The following LPIN2 variants were observed in gnomAD, a reference collection of about 807,000 sequenced individuals.
LPIN2 encodes the protein phosphatidate phosphatase LPIN2.
Under a neutral mutation model 111.4 loss-of-function variants are expected in LPIN2, and 55 were observed. The ratio of observed to expected loss-of-function variants is 0.49; its 90% CI spans 0.40 to 0.62. The LOEUF (loss-of-function observed/expected upper bound fraction) is 0.62. Ranked by LOEUF, LPIN2 falls within the 20% of genes least tolerant of loss-of-function variation. The probability of loss-of-function intolerance (pLI) is 0.00; values close to 1 mark genes in which losing one functional copy is unlikely to be tolerated. For missense variants in LPIN2, 992 were observed against 1,112.1 expected (o/e 0.89, Z 1.54); for synonymous variants, 425 against 414.0 (o/e 1.03, Z -0.32).
At chr18:3,006,594 T>C (rs545065448) in intron 1 of LPIN2, among the ~76,000 whole-genome samples, 3 of 151,960 alleles carry the variant, frequency 2.0e-5, no homozygotes, top group South Asian at 2.1e-4. Context: ...TCCCAACACT[T>C]TGGGAGGCCG....
At chr18:2,997,075 G>A (rs191260096) in intron 1 of LPIN2, among the ~76,000 whole-genome samples, 26 of 151,202 alleles carry the variant, frequency 1.7e-4, no homozygotes, top group Admixed American at 1.6e-3. Context: ...TCCACCTCCC[G>A]GATTCAAGCA....
intron 1 of LPIN2, among the ~76,000 whole-genome samples, chr18:2,965,033 A>G (rs1319118458): frequency 6.6e-6 from 1 of 152,198 alleles, no homozygotes; most frequent in African/African-American, 2.4e-5. Flanking sequence ...TACACAGTGT[A>G]TGTAATATAC....
rs569773558 is a variant in LPIN2, at chr18:3,009,733, A to G, written c.-10+3354T>C. On this transcript the variant is annotated intron_variant, in intron 1 of 19. Transcript: ENST00000677752. Reference sequence around the variant, plus strand: ...TGGGATTACAGGCGTGAACCACCGCACCCAGCCTTCTTCCTCATTTCTTGT... The same window carrying G: ...TGGGATTACAGGCGTGAACCACCGCGCCCAGCCTTCTTCCTCATTTCTTGT... 2.6e-5 allele frequency among the ~76,000 whole-genome samples: 4 copies of G among 152,234 alleles called. No homozygotes were observed. The East Asian group carries it at 5.8e-4, about 22-fold the overall frequency.
intron 6 of LPIN2, 112 bp from the exon 7 acceptor site, chr18:2,938,149 GT>G: frequency 2.5e-6 from 2 of 797,464 alleles, no homozygotes; most frequent in Non-Finnish European, 4.2e-6. Flanking sequence ...CATTCATTAA[GT>G]ATCTTAGTTT....
In LPIN2 at chr18:2,921,991, C is replaced by T. The variant is rs781647516; in HGVS notation, c.2327+56G>A. The T allele has an allele frequency of 9.1e-4, 1,425 of 1,568,108 alleles. 1 individual carries two copies. The highest frequency in any genetic ancestry group is 1.2e-3 in the Non-Finnish European group (1,338 of 1,157,848). ...TCCCACACATCCCCCCACCTTGGGC[C>T]CAGCCCCGCCCACATGCTGGGGCGG... On this transcript the variant is annotated intron_variant, in intron 17 of 19. Coordinates refer to ENST00000677752, the MANE Select transcript of LPIN2 (RefSeq NM_001375808.2).
rs1251045017 is a variant in LPIN2 at position 2,917,050 on chromosome 18, C to G, written c.*3243G>C. 2 of 152,208 alleles carry G rather than the reference C, an allele frequency of 1.3e-5. No individual in the cohort carries two copies. Among genetic ancestry groups the G allele is most frequent in the Non-Finnish European group, 2.9e-5 (2 of 68,026 alleles). 9.4% of individuals were successfully genotyped at this position (152,208 alleles called of 1,614,324 possible). A position where few individuals can be genotyped will look rare whatever the true frequency, so the allele number is the denominator to read the frequency against. ...AACATTTTGTTTTGAACATCAAACACTGCACCAAAATATTAGCCATTCATC... is the reference window on the plus strand; with the variant it reads ...AACATTTTGTTTTGAACATCAAACAGTGCACCAAAATATTAGCCATTCATC... On this transcript the variant is annotated 3_prime_UTR_variant, in exon 20 of 20. Coordinates refer to ENST00000677752, the MANE Select transcript of LPIN2 (RefSeq NM_001375808.2).
chr18:2,992,750 G>A (rs192970245), intron 1 of LPIN2, among the ~76,000 whole-genome samples: 1 of 152,124 alleles, frequency 6.6e-6, no homozygotes, highest in East Asian at 1.9e-4. Flanking sequence ...TTGGGAGGTC[G>A]AGGCGGGCAG....
At chr18:3,000,150 A>T (rs769126282) in intron 1 of LPIN2, among the ~76,000 whole-genome samples, 61 of 144,426 alleles carry the variant, frequency 4.2e-4, no homozygotes, top group Non-Finnish European at 8.5e-4. Flanking sequence ...AGAAGGAGAA[A>T]ATGTAGAAAG....
intron 1 of LPIN2, among the ~76,000 whole-genome samples, chr18:3,003,266 C>A (rs1184764801): frequency 6.6e-6 from 1 of 152,128 alleles, no homozygotes; most frequent in African/African-American, 2.4e-5. Context: ...ACTCCATTAG[C>A]GGGGAGCTCA....
intron 1 of LPIN2, among the ~76,000 whole-genome samples, chr18:2,993,034 T>C (rs2078288926): frequency 6.6e-6 from 1 of 150,882 alleles, no homozygotes; most frequent in Admixed American, 6.6e-5. Context: ...ACATCTGTAG[T>C]ACTCAGAGGC....
chr18:3,003,567 A>T (rs1420929046), intron 1 of LPIN2, among the ~76,000 whole-genome samples: 1 of 152,222 alleles, frequency 6.6e-6, no homozygotes, highest in Non-Finnish European at 1.5e-5. Context: ...TCTTTACTGC[A>T]GTCTCTGAAC....
At chr18:2,975,042 C>T (rs1056030558) in intron 1 of LPIN2, among the ~76,000 whole-genome samples, 5 of 152,178 alleles carry the variant, frequency 3.3e-5, no homozygotes, top group South Asian at 2.1e-4. Context: ...TGCCATTTTA[C>T]GTACCTCATC....
intron 2 of LPIN2, among the ~76,000 whole-genome samples, chr18:2,955,683 A>C (rs1477578414): frequency 6.6e-6 from 1 of 152,220 alleles, no homozygotes; most frequent in Non-Finnish European, 1.5e-5. Context: ...TGGGAGACCA[A>C]GGTGGGCAGG....
Position 2,934,359 on chromosome 18 carries a change from G to A in LPIN2, c.1260C>T (p.Phe420=), listed in dbSNP as rs1355372766. ...AATAAGGACCACTCTACCTTTTAGG[G>A]AAATAAAGAGCTGCAACTTCAGGTT... ...GLEPEVAALY[F]PKSESEPGSR... is the part of the protein sequence containing the mutation. The change falls in exon 8 of 20, where the codon TTC becomes TTT. Residue 420 remains phenylalanine, a synonymous_variant. Coordinates refer to ENST00000677752, the MANE Select transcript of LPIN2 (RefSeq NM_001375808.2). 9.3e-6 allele frequency: 15 copies of A among 1,608,748 alleles called. No individual in the cohort carries two copies. In the South Asian group the frequency reaches 1.5e-4, roughly 17 times the overall value.
At chr18:3,003,723 C>A (rs972582539) in intron 1 of LPIN2, among the ~76,000 whole-genome samples, 1 of 152,166 alleles carries the variant, frequency 6.6e-6, no homozygotes. Context: ...ACTGTACAAA[C>A]TGATTGTAAA....
At chr18:2,955,430 T>A (rs1052526778) in intron 2 of LPIN2, among the ~76,000 whole-genome samples, 3 of 151,806 alleles carry the variant, frequency 2.0e-5, no homozygotes, top group South Asian at 2.1e-4. Context: ...AACAATTGGA[T>A]CTTGTCAACT....
In LPIN2 at chr18:2,960,869, G is replaced by T; in HGVS notation, c.-9-20C>A. The T allele has an allele frequency of 6.3e-7, 1 of 1,593,548 alleles. No homozygotes were observed. The highest frequency in any genetic ancestry group is 8.6e-7 in the Non-Finnish European group (1 of 1,165,268). On this transcript the variant is annotated intron_variant, in intron 1 of 19. Coordinates refer to ENST00000677752, the MANE Select transcript of LPIN2 (RefSeq NM_001375808.2). ...TTGAGACTACAAGAAACAAAAATTA[G>T]ATGAGATGTTAACACTAAATTTGTG...
At chr18:2,968,836 G>C (rs2143275501) in intron 1 of LPIN2, among the ~76,000 whole-genome samples, 1 of 152,252 alleles carries the variant, frequency 6.6e-6, no homozygotes, top group Middle Eastern at 3.4e-3. Flanking sequence ...GAAGCGACAG[G>C]ATTAGGTCAC....
rs750630881 is a variant in LPIN2 at position 2,925,817 on chromosome 18, G to A, written c.1794-449C>T. 3.3e-5 allele frequency among the ~76,000 whole-genome samples: 5 copies of A among 152,196 alleles called. No individual in the cohort carries two copies. Among genetic ancestry groups the A allele is most frequent in the Non-Finnish European group, 7.3e-5 (5 of 68,028 alleles). ...GCCCAGGAGTTTGAGACCAGCCTGG[G>A]CAACATAGGGAGACCCAGTTTCTAC... On this transcript the variant is annotated intron_variant, in intron 13 of 19. Coordinates refer to ENST00000677752, the MANE Select transcript of LPIN2 (RefSeq NM_001375808.2). The surrounding 1 kb of genome is among the most constrained non-coding windows in gnomAD (Gnocchi z 4.1).
Sources: gnomAD v4.1 joint callset for allele counts (sites outside exome capture counted in the v4.1 genomes callset) on GRCh38, gnomAD v4.1.1 for gene constraint, Gnocchi (gnomAD v3.1) non-coding constraint, MANE v1.5 for transcripts, NCBI Gene and HGNC (gene_info 2026-07-23, HGNC 2026-07-21) for gene names.